The following LOC400499 variants were observed in gnomAD, a reference collection of about 807,000 sequenced individuals.
At chr16:11,421,011 G>T in the LOC400499 span, among the ~76,000 whole-genome samples, 1 of 152,140 alleles carries the variant, frequency 6.6e-6, no homozygotes, top group Admixed American at 6.5e-5. Context: ...TGTACTGCTG[G>T]CCACCTCTGC....
the LOC400499 span, among the ~76,000 whole-genome samples, chr16:11,407,759 T>G: frequency 6.6e-6 from 1 of 152,158 alleles, no homozygotes; most frequent in South Asian, 2.1e-4. Flanking sequence ...CTCCAGCTAG[T>G]TCCTTAACCA....
At chr16:11,401,596 T>C in the LOC400499 span, among the ~76,000 whole-genome samples, 1 of 152,174 alleles carries the variant, frequency 6.6e-6, no homozygotes, top group African/African-American at 2.4e-5. Context: ...AATCCAGGCT[T>C]AGAGAGGAGC....
the LOC400499 span, among the ~76,000 whole-genome samples, chr16:11,509,152 T>A: frequency 7.2e-6 from 1 of 138,456 alleles, no homozygotes; most frequent in Non-Finnish European, 1.5e-5. Context: ...GGAGTCGCAC[T>A]CTGTGCCCAG....
At chr16:11,516,936 G>A in the LOC400499 span, among the ~76,000 whole-genome samples, 763 of 152,284 alleles carry the variant, frequency 5.0e-3, 7 homozygotes, top group South Asian at 0.035. Flanking sequence ...GTAAGCCACC[G>A]CACTCCAGCC....
At chr16:11,525,177 G>C in the LOC400499 span, among the ~76,000 whole-genome samples, 11 of 151,878 alleles carry the variant, frequency 7.2e-5, no homozygotes, top group East Asian at 5.8e-4. Context: ...CCAGCTACTC[G>C]TGGGAGGTGG....
At chr16:11,439,638 A>C in the LOC400499 span, 19 of 398,840 alleles carry the variant, frequency 4.8e-5, no homozygotes, top group Admixed American at 2.6e-4. Flanking sequence ...GATGCAGAAC[A>C]CTAGGAGGTG....
the LOC400499 span, chr16:11,472,051 T>A: frequency 2.6e-6 from 1 of 380,230 alleles, no homozygotes; most frequent in Non-Finnish European, 4.6e-6. Flanking sequence ...TCCTGTGCAT[T>A]ATGGGATGTT....
At chr16:11,384,067 C>T in the LOC400499 span, 1 of 1,231,574 alleles carries the variant, frequency 8.1e-7, no homozygotes, top group Non-Finnish European at 1.0e-6. Context: ...CCCCCGCGTA[C>T]ACTGGCCTCA....
At chr16:11,409,975 A>C in the LOC400499 span, among the ~76,000 whole-genome samples, 3,704 of 152,272 alleles carry the variant, frequency 0.024, 54 homozygotes, top group Non-Finnish European at 0.034. Context: ...ACTTGGGAAA[A>C]AACTAAGAAG....
the LOC400499 span, among the ~76,000 whole-genome samples, chr16:11,401,681 GC>G: frequency 1.3e-5 from 2 of 152,202 alleles, no homozygotes; most frequent in African/African-American, 2.4e-5. Flanking sequence ...TAGCTCTGTG[GC>G]CCCGGGCAGG....
chr16:11,446,787 C>T, the LOC400499 span: 162 of 1,535,964 alleles, frequency 1.1e-4, no homozygotes, highest in Non-Finnish European at 1.3e-4. Context: ...CCATGGTCTG[C>T]AGGGTTTCCT....
the LOC400499 span, among the ~76,000 whole-genome samples, chr16:11,438,922 C>T: frequency 1.2e-4 from 19 of 152,120 alleles, no homozygotes; most frequent in Non-Finnish European, 1.9e-4. Flanking sequence ...TAGTGAGACC[C>T]CACCTCTAAT....
At chr16:11,481,374 G>A in the LOC400499 span, among the ~76,000 whole-genome samples, 5 of 152,182 alleles carry the variant, frequency 3.3e-5, no homozygotes, top group Non-Finnish European at 7.3e-5. Flanking sequence ...CCAAGCTAGA[G>A]TGCAGTGGTG....
chr16:11,516,174 G>C, the LOC400499 span: 4 of 399,674 alleles, frequency 1.0e-5, no homozygotes, highest in Admixed American at 1.8e-4. Flanking sequence ...TGGGCCCCTG[G>C]GTGGCCCTGC....
chr16:11,457,524 C>T, the LOC400499 span, among the ~76,000 whole-genome samples: 59 of 146,320 alleles, frequency 4.0e-4, no homozygotes, highest in African/African-American at 1.5e-3. Context: ...ATTCAGGAGG[C>T]AGAGCTTGCA....
the LOC400499 span, among the ~76,000 whole-genome samples, chr16:11,426,061 T>G: frequency 6.6e-6 from 1 of 152,136 alleles, no homozygotes; most frequent in African/African-American, 2.4e-5. Context: ...TTCACACTAT[T>G]AACAAAATTA....
chr16:11,444,951 T>C, the LOC400499 span, among the ~76,000 whole-genome samples: 2 of 151,876 alleles, frequency 1.3e-5, no homozygotes, highest in Non-Finnish European at 2.9e-5. Flanking sequence ...CCAGGTGTGG[T>C]GGTAATGTGT....
the LOC400499 span, among the ~76,000 whole-genome samples, chr16:11,525,144 C>T: frequency 2.6e-5 from 4 of 151,786 alleles, no homozygotes. Context: ...ATTAGCCGGG[C>T]GTGGTGGTGC....
chr16:11,393,268 A>T, the LOC400499 span: 1 of 727,724 alleles, frequency 1.4e-6, no homozygotes, highest in Non-Finnish European at 1.9e-6. Flanking sequence ...TGCTAGGATT[A>T]CAGGTATGAG....
Sources: allele counts gnomAD v4.1 joint callset (sites outside exome capture counted in the v4.1 genomes callset), GRCh38; gene constraint gnomAD v4.1.1; transcripts MANE v1.5.